FRMPD4: variants seen among roughly 807,000 people sequenced by gnomAD.
FRMPD4 encodes the protein FERM and PDZ domain containing 4.
Under a neutral mutation model 94.1 loss-of-function variants are expected in FRMPD4, and 22 were observed. That is an observed-to-expected ratio of 0.23 (90% CI 0.17 to 0.33). The LOEUF is 0.33. FRMPD4 is among the 10% of genes least tolerant of loss of function. The pLI is 1.00. For synonymous variants in FRMPD4, 631 were observed against 548.6 expected, an observed-to-expected ratio of 1.15 and a Z score of -2.10; for missense variants, 1,111 against 1,339.9, an observed-to-expected ratio of 0.83 and a Z score of 2.67.
intron 4 of FRMPD4, among the ~76,000 whole-genome samples, chrX:12,653,775 G>A (rs1181555377): frequency 9.3e-6 from 1 of 107,585 alleles, no homozygotes; most frequent in Non-Finnish European, 1.9e-5. Flanking sequence ...TTGTTTGTTT[G>A]TTTGTTTTTG....
intron 3 of FRMPD4, among the ~76,000 whole-genome samples, chrX:12,083,208 G>A (rs777496446): frequency 1.8e-5 from 2 of 112,734 alleles, no homozygotes; most frequent in Non-Finnish European, 3.8e-5. Flanking sequence ...CCCATGCTGC[G>A]TGCAGCCTAG....
intron 2 of FRMPD4, among the ~76,000 whole-genome samples, chrX:12,607,392 T>C (rs1409256058): frequency 4.5e-5 from 5 of 111,742 alleles, no homozygotes; most frequent in African/African-American, 1.6e-4. Flanking sequence ...GGTGAGACAC[T>C]GGGGATAGCA....
chrX:11,957,558 G>A (rs368975799), intron 3 of FRMPD4, among the ~76,000 whole-genome samples: 2 of 99,735 alleles, frequency 2.0e-5, no homozygotes, highest in African/African-American at 7.2e-5. Flanking sequence ...AATAAAAGTA[G>A]AATTAATGAA....
intron 1 of FRMPD4, among the ~76,000 whole-genome samples, chrX:12,261,138 T>C (rs937670922): frequency 8.9e-6 from 1 of 111,905 alleles, no homozygotes; most frequent in Non-Finnish European, 1.9e-5. Context: ...TAAAAGAAGC[T>C]GAGCTTCTTA....
At chrX:12,293,750 A>T (rs1227997390) in intron 1 of FRMPD4, among the ~76,000 whole-genome samples, 2 of 112,459 alleles carry the variant, frequency 1.8e-5, no homozygotes, top group African/African-American at 6.5e-5. Context: ...TTTAAGTTGC[A>T]TGCTGTTGTA....
At chrX:12,508,071 AC>A (rs1416974437) in intron 2 of FRMPD4, among the ~76,000 whole-genome samples, 2 of 112,498 alleles carry the variant, frequency 1.8e-5, no homozygotes, top group Non-Finnish European at 3.8e-5. Context: ...CGACAGAAAA[AC>A]AGCCCCATTG....
intron 1 of FRMPD4, among the ~76,000 whole-genome samples, chrX:12,261,229 A>C (rs1175564881): frequency 8.9e-6 from 1 of 112,297 alleles, no homozygotes; most frequent in Admixed American, 9.5e-5. Context: ...AAATCCCAAA[A>C]GGAAAAGACA....
intron 1 of FRMPD4, among the ~76,000 whole-genome samples, chrX:12,142,218 T>G (rs961459224): frequency 4.5e-5 from 5 of 111,742 alleles, no homozygotes; most frequent in Middle Eastern, 4.6e-3. Context: ...TTGCATGGGT[T>G]ATTTTGTGGT....
chrX:12,445,379 TTAAAAATAAA>T (rs1008214964), intron 1 of FRMPD4, among the ~76,000 whole-genome samples: 1 of 112,300 alleles, frequency 8.9e-6, no homozygotes, highest in Non-Finnish European at 1.9e-5. Flanking sequence ...TTGAGGGGCT[TTAAAAATAAA>T]TAAAAATGGA....
intron 2 of FRMPD4, among the ~76,000 whole-genome samples, chrX:12,580,240 A>G (rs1399023142): frequency 3.6e-5 from 4 of 111,823 alleles, no homozygotes; most frequent in African/African-American, 1.3e-4. Flanking sequence ...GAAAACCTAT[A>G]GTTTTTCTGG....
chrX:11,851,059 C>T (rs1176504400), intron 1 of FRMPD4, among the ~76,000 whole-genome samples: 2 of 111,610 alleles, frequency 1.8e-5, no homozygotes, highest in Non-Finnish European at 3.8e-5. Flanking sequence ...ACTTACCCTG[C>T]CCCGGTTGAA....
intron 3 of FRMPD4, among the ~76,000 whole-genome samples, chrX:11,912,852 G>A (rs776787652): frequency 1.8e-5 from 2 of 110,946 alleles, no homozygotes; most frequent in Non-Finnish European, 3.8e-5. Flanking sequence ...TGAAGGGGCC[G>A]GGAATTTATA....
chrX:12,150,243 CATGATGTCCA>C (rs1374034079), intron 1 of FRMPD4, among the ~76,000 whole-genome samples: 2 of 112,121 alleles, frequency 1.8e-5, no homozygotes. Context: ...CTGTATTCCA[CATGATGTCCA>C]ATACTGATTA....
intron 1 of FRMPD4, among the ~76,000 whole-genome samples, chrX:11,843,919 T>G (rs1270388197): frequency 3.6e-5 from 4 of 110,385 alleles, no homozygotes; most frequent in Non-Finnish European, 7.6e-5. Context: ...TCAGTTCGTT[T>G]TAGCCAGAAG....
rs753024153 is a variant in FRMPD4, at chrX:12,704,503, TAAAAG to T, written c.1197+23_1197+27del. The T allele has an allele frequency of 1.5e-5, 16 of 1,082,020 alleles. No individual in the cohort carries two copies. In the East Asian group the frequency reaches 4.6e-4, roughly 31 times the overall value. The allele number at this position is 1,082,020 out of a possible 1,213,427, so 89.2% of individuals were successfully genotyped here. On this transcript the variant is annotated intron_variant, in intron 11 of 16. Transcript: ENST00000675598. ...GTAAAAAGGTATCACATTTCCATCT[TAAAAG>T]AAAATTATAAAGAGAGAGGCTTGAA... is the stretch of plus-strand genomic sequence containing the variant.
chrX:12,463,266 T>C (rs2057409743), intron 1 of FRMPD4, among the ~76,000 whole-genome samples: 1 of 111,358 alleles, frequency 9.0e-6, no homozygotes, highest in Non-Finnish European at 1.9e-5. Flanking sequence ...CACTGTTCAC[T>C]AAATCTGAGG....
intron 3 of FRMPD4, among the ~76,000 whole-genome samples, chrX:11,897,760 G>T (rs751810023): frequency 6.2e-5 from 7 of 112,116 alleles, no homozygotes; most frequent in Admixed American, 3.8e-4. Flanking sequence ...ACCTCCTACA[G>T]TCCTGGGGCT....
intron 3 of FRMPD4, among the ~76,000 whole-genome samples, chrX:12,097,773 G>C (rs185594156): frequency 8.9e-6 from 1 of 112,530 alleles, no homozygotes; most frequent in East Asian, 2.8e-4. Flanking sequence ...TTGTATTGCT[G>C]AATGATATTG....
chrX:12,084,156 T>C (rs960091564), intron 3 of FRMPD4, among the ~76,000 whole-genome samples: 2 of 78,119 alleles, frequency 2.6e-5, no homozygotes, highest in South Asian at 1.8e-3. Context: ...AAAATTCTCA[T>C]GTGTTATGGG....
Sources: gnomAD v4.1 joint callset for allele counts (sites outside exome capture counted in the v4.1 genomes callset) on GRCh38, gnomAD v4.1.1 for gene constraint, MANE v1.5 for transcripts, NCBI Gene and HGNC (gene_info 2026-07-23, HGNC 2026-07-21) for gene names.